Variants in BFSP1 observed in about 807,000 individuals in gnomAD.
The protein encoded by BFSP1 is beaded filament structural protein 1.
In BFSP1, 38 loss-of-function variants were observed where a neutral mutation model predicts 43.9. The observed-to-expected ratio is 0.87, with a 90% CI of 0.67 to 1.14. BFSP1 has a LOEUF of 1.14. Ranked by LOEUF, BFSP1 falls within the 50% of genes most tolerant of loss-of-function variation. BFSP1 has a pLI of 0.00. For synonymous variants in BFSP1, 352 were observed against 354.8 expected (o/e 0.99, Z 0.09); for missense variants, 850 against 875.1 (o/e 0.97, Z 0.36).
Position 17,497,446 on chromosome 20 carries a change from ATG to A in BFSP1, c.957-425_957-424del, listed in dbSNP as rs1568679010. Among the ~76,000 whole-genome samples, 183 of 21,570 alleles carry A rather than the reference ATG, an allele frequency of 8.5e-3. 3 individuals carry two copies. The highest frequency in any genetic ancestry group is 0.058 in the African/African-American group (160 of 2,770). 14.2% of individuals were successfully genotyped at this position (21,570 alleles called of 152,430 possible). The stretch of plus-strand genomic sequence containing the variant: ...TTAAGATATATGTATATATACGTGT[ATG>A]TATATATATATACACACACACACGT... On this transcript the variant is annotated intron_variant, in intron 6 of 7. Coordinates refer to ENST00000377873, the MANE Select transcript of BFSP1 (RefSeq NM_001195.5).
chr20:17,522,883 T>C (rs1369923298), intron 2 of BFSP1, among the ~76,000 whole-genome samples: 1 of 152,178 alleles, frequency 6.6e-6, no homozygotes, highest in Non-Finnish European at 1.5e-5. Context: ...TCACAGATGC[T>C]CAGCTGTAGC....
intron 1 of BFSP1, among the ~76,000 whole-genome samples, chr20:17,557,212 G>A (rs549928065): frequency 5.3e-4 from 81 of 152,348 alleles, no homozygotes; most frequent in African/African-American, 1.8e-3. Flanking sequence ...GGAGAAGTCC[G>A]TTTCTGCAGC....
At chr20:17,502,297 A>G (rs73900872) in intron 5 of BFSP1, among the ~76,000 whole-genome samples, 5,538 of 152,304 alleles carry the variant, frequency 0.036, 342 homozygotes, top group African/African-American at 0.13. Flanking sequence ...CTCAGGACAC[A>G]GCGTCACTCC....
intron 1 of BFSP1, among the ~76,000 whole-genome samples, chr20:17,566,427 A>G (rs1312368673): frequency 3.9e-5 from 6 of 152,224 alleles, no homozygotes; most frequent in Admixed American, 3.9e-4. Context: ...CCAATCTCAT[A>G]TTTAAGGAGA....
intron 1 of BFSP1, among the ~76,000 whole-genome samples, chr20:17,567,500 ACT>A (rs2035132733): frequency 6.6e-6 from 1 of 151,864 alleles, no homozygotes; most frequent in Admixed American, 6.6e-5. Flanking sequence ...GCCATCTAAG[ACT>A]CCACCCCTCA....
At position 17,507,272 on chromosome 20, in the gene BFSP1, G is replaced by GGTGTGTGT. The variant is rs373485156; in HGVS notation, c.735+1609_735+1616dup. On this transcript the variant is annotated intron_variant, in intron 5 of 7. Coordinates refer to ENST00000377873, the MANE Select transcript of BFSP1 (RefSeq NM_001195.5). The surrounding 1 kb of genome is among the most constrained non-coding windows in gnomAD (Gnocchi z 4.4). ...GCGAGCCATACACATCAGATAGGTAGGTGTGTGTGTGTGTGTGTGTGTGTG... is the reference window on the plus strand; with the variant it reads ...GCGAGCCATACACATCAGATAGGTAGGTGTGTGTGTGTGTGTGTGTGTGTGTGTGTGTG... Among the ~76,000 whole-genome samples the GGTGTGTGT allele has an allele frequency of 2.3e-3, 318 of 141,308 alleles. No individual in the cohort carries two copies. Among genetic ancestry groups the GGTGTGTGT allele is most frequent in the African/African-American group, 5.8e-3 (218 of 37,872 alleles). 92.7% of individuals were successfully genotyped at this position (141,308 alleles called of 152,430 possible). A position where few individuals can be genotyped will look rare whatever the true frequency, so the allele number is the denominator to read the frequency against.
intron 3 of BFSP1, among the ~76,000 whole-genome samples, chr20:17,512,934 A>T (rs1251904045): frequency 6.6e-6 from 1 of 152,178 alleles, no homozygotes; most frequent in Non-Finnish European, 1.5e-5. Context: ...TTTACCCGCC[A>T]GTGCCCCTGT....
chr20:17,505,319 G>A (rs1885864821), intron 5 of BFSP1, among the ~76,000 whole-genome samples: 2 of 152,192 alleles, frequency 1.3e-5, no homozygotes, highest in African/African-American at 4.8e-5. Context: ...GCACCGGCCC[G>A]CCCCAGAGCT....
chr20:17,542,141 G>A (rs952506848), intron 1 of BFSP1, among the ~76,000 whole-genome samples: 4 of 152,084 alleles, frequency 2.6e-5, no homozygotes, highest in Non-Finnish European at 4.4e-5. Flanking sequence ...GTGTTCTGGA[G>A]TTGCCTCTTA....
intron 1 of BFSP1, chr20:17,565,692 A>G (rs570139741): frequency 1.3e-5 from 2 of 152,330 alleles, no homozygotes; most frequent in African/African-American, 4.8e-5. Flanking sequence ...ATCAGTGGTT[A>G]CCTCTGAGGA....
At chr20:17,545,986 C>T (rs573146043) in intron 1 of BFSP1, among the ~76,000 whole-genome samples, 4 of 152,120 alleles carry the variant, frequency 2.6e-5, no homozygotes, top group African/African-American at 7.2e-5. Context: ...TAAACTATCT[C>T]GTCTTTCATC....
upstream of BFSP1, among the ~76,000 whole-genome samples, chr20:17,535,983 C>T (rs2034623591): frequency 6.6e-6 from 1 of 151,878 alleles, no homozygotes; most frequent in African/African-American, 2.4e-5. Context: ...TGCTATGTTA[C>T]CCACACTGGT....
Position 17,531,083 on chromosome 20 carries a change from C to T in BFSP1, c.247G>A (p.Gly83Arg). The T allele has an allele frequency of 1.5e-6, 2 of 1,373,614 alleles. No homozygotes were observed. The highest frequency in any genetic ancestry group is 9.4e-7 in the Non-Finnish European group (1 of 1,065,396). 85.1% of individuals were successfully genotyped at this position (1,373,614 alleles called of 1,614,324 possible). ...DAFQRLGELAGPEDALARQVE... is the reference protein window; with the variant it reads ...DAFQRLGELARPEDALARQVE... ...TGGCGGGCGAGGGCGTCCTCGGGCC[C>T]GGCCAGCTCGCCCAGGCGCTGGAAG... Residue 83 changes from glycine (G) to arginine (R), a missense_variant, in exon 1 of 8, where the codon GGG becomes AGG. Physicochemically the swap from Gly to Arg is moderately radical, Grantham distance 125. Coordinates refer to ENST00000377873, the MANE Select transcript of BFSP1 (RefSeq NM_001195.5).
intron 4 of BFSP1, 79 bp from the exon 5 acceptor site, chr20:17,509,075 G>A (rs1014997746): frequency 3.8e-6 from 4 of 1,062,688 alleles, no homozygotes; most frequent in African/African-American, 1.6e-5. Context: ...GCCCTGGTAT[G>A]GACGGAATAT....
intron 2 of BFSP1, among the ~76,000 whole-genome samples, chr20:17,519,667 C>T (rs1016658548): frequency 2.0e-5 from 3 of 152,198 alleles, no homozygotes; most frequent in Admixed American, 1.3e-4. Context: ...GCACTGGGTC[C>T]CATCAGTTAA....
chr20:17,558,807 C>T, exon 1 of BFSP1: 1 of 1,442,586 alleles, frequency 6.9e-7, no homozygotes, highest in Non-Finnish European at 9.3e-7. Flanking sequence ...AAACCCTCTC[C>T]AGAGGGCCAG....
At position 17,512,037 on chromosome 20, in the gene BFSP1, A is replaced by T. The variant is rs2034094432; in HGVS notation, c.566T>A (p.Ile189Asn). 14 of 1,611,442 alleles carry T rather than the reference A, an allele frequency of 8.7e-6. No individual in the cohort carries two copies. The highest frequency in any genetic ancestry group is 1.2e-5 in the Non-Finnish European group (14 of 1,177,644). Reference protein sequence around the residue: ...NLLEVQTYISILQQIIHTTPP... With the variant: ...NLLEVQTYISNLQQIIHTTPP... ...AGTGGTGTGGATGATCTGCTGCAGG[A>T]TGCTGATATAGGTCTGAACTTCCAG... The change falls in exon 4 of 8, where the codon ATC (isoleucine) becomes AAC (asparagine). Residue 189 changes from isoleucine (I) to asparagine (N), a missense_variant. By Grantham distance (149) the Ile-to-Asn change is moderately radical. Coordinates refer to ENST00000377873, the MANE Select transcript of BFSP1 (RefSeq NM_001195.5).
At chr20:17,546,798 G>A (rs1164286418) in intron 1 of BFSP1, among the ~76,000 whole-genome samples, 1 of 152,026 alleles carries the variant, frequency 6.6e-6, no homozygotes, top group African/African-American at 2.4e-5. Flanking sequence ...GGCCGAGGTA[G>A]GTGGATCTCG....
rs1280912856 is a variant in BFSP1, at chr20:17,496,922, T to C, written c.1042+16A>G. 6.6e-7 allele frequency: 1 copy of C among 1,515,132 alleles called. No homozygotes were observed. 93.9% of individuals were successfully genotyped at this position (1,515,132 alleles called of 1,614,324 possible). A position where few individuals can be genotyped will look rare whatever the true frequency, so the allele number is the denominator to read the frequency against. On this transcript the variant is annotated intron_variant, in intron 7 of 7. Coordinates refer to ENST00000377873, the MANE Select transcript of BFSP1 (RefSeq NM_001195.5). ...AAGACAGAAAAAAACAGAAGTCCAG[T>C]GTTGGGGAGCGTTACCTTTCCCACC...
Sources: allele counts gnomAD v4.1 joint callset (sites outside exome capture counted in the v4.1 genomes callset), GRCh38; gene constraint gnomAD v4.1.1; non-coding constraint Gnocchi (gnomAD v3.1); transcripts MANE v1.5; gene names NCBI Gene and HGNC (gene_info 2026-07-23, HGNC 2026-07-21).